The following HPR variants were observed in gnomAD, a reference collection of about 807,000 sequenced individuals.
The protein encoded by HPR is Haptoglobin-related locus.
A neutral mutation model predicts 18.5 loss-of-function variants in HPR; 17 were observed. The observed-to-expected ratio is 0.92, with a 90% CI of 0.63 to 1.38. The LOEUF (loss-of-function observed/expected upper bound fraction) is 1.38, where lower values mean the gene tolerates loss of function less well. HPR is among the 40% of genes most tolerant of loss of function. The pLI is 0.00. For missense variants in HPR, 457 were observed against 432.4 expected, an observed-to-expected ratio of 1.06 and a Z score of -0.51; for synonymous variants, 176 against 165.0, an observed-to-expected ratio of 1.07 and a Z score of -0.51.
Position 72,077,018 on chromosome 16 carries a change from T to C in HPR, c.984T>C (p.Tyr328=), listed in dbSNP as rs755475544. ...ATAAGAGCTGTGCTGTGGCTGAGTA[T>C]GGTGTGTATGTGAAGGTGACTTCCA... ...SFDKSCAVAE[Y]GVYVKVTSIQ... is the part of the protein sequence containing the mutation. Residue 328 remains tyrosine, a synonymous_variant, in exon 5 of 5, where the codon TAT becomes TAC. Transcript: ENST00000540303. The C allele has an allele frequency of 1.2e-6, 2 of 1,613,984 alleles. No individual in the cohort carries two copies. The highest frequency in any genetic ancestry group is 1.1e-5 in the South Asian group (1 of 91,068).
chr16:72,067,582 A>G (rs1258015490), intron 1 of HPR, among the ~76,000 whole-genome samples: 1 of 152,204 alleles, frequency 6.6e-6, no homozygotes, highest in Non-Finnish European at 1.5e-5. Flanking sequence ...TGTTTGGTCA[A>G]GGGAAGAAAA....
intron 1 of HPR, among the ~76,000 whole-genome samples, chr16:72,070,018 T>A (rs2144067170): frequency 6.6e-6 from 1 of 152,226 alleles, no homozygotes; most frequent in East Asian, 1.9e-4. Context: ...TTAGCCCAGG[T>A]ACTAGACATA....
rs573654289 is a variant in HPR at position 72,067,000 on chromosome 16, C to T, written c.5+3740C>T. On this transcript the variant is annotated intron_variant, in intron 1 of 4. Transcript: ENST00000540303. Reference sequence around the variant, plus strand: ...AGGACCCAAGTCTACATTTCCCAGGCCCCCTAAAGAGCATAGAAAAGCAAG... The same window carrying T: ...AGGACCCAAGTCTACATTTCCCAGGTCCCCTAAAGAGCATAGAAAAGCAAG... Among the ~76,000 whole-genome samples the T allele has an allele frequency of 5.3e-5, 8 of 152,210 alleles. 1 individual carries two copies. The East Asian group carries it at 1.4e-3, about 26-fold the overall frequency.
intron 1 of HPR, among the ~76,000 whole-genome samples, chr16:72,066,605 C>G (rs1462708602): frequency 3.3e-5 from 5 of 152,112 alleles, no homozygotes; most frequent in African/African-American, 1.2e-4. Flanking sequence ...GATGAGGGAC[C>G]TATAAGATTC....
At chr16:72,068,327 C>G (rs559048628) in intron 1 of HPR, among the ~76,000 whole-genome samples, 2 of 152,026 alleles carry the variant, frequency 1.3e-5, no homozygotes, top group East Asian at 1.9e-4. Flanking sequence ...CTGAATGGGT[C>G]GAAGGAATCG....
At chr16:72,065,841 AC>A (rs2041592234) in intron 1 of HPR, among the ~76,000 whole-genome samples, 1 of 152,092 alleles carries the variant, frequency 6.6e-6, no homozygotes, top group South Asian at 2.1e-4. Flanking sequence ...CGACTCCCAC[AC>A]CTAAAGTCAG....
chr16:72,065,313 G>A (rs1165348369), intron 1 of HPR, among the ~76,000 whole-genome samples: 5 of 152,012 alleles, frequency 3.3e-5, no homozygotes, highest in Admixed American at 2.6e-4. Flanking sequence ...CTAATACGAG[G>A]GATTGAGCCA....
intron 1 of HPR, among the ~76,000 whole-genome samples, chr16:72,070,686 C>T (rs146760422): frequency 2.1e-4 from 32 of 152,316 alleles, no homozygotes; most frequent in Middle Eastern, 3.4e-3. Flanking sequence ...GCTAACCATC[C>T]TTTAATCCTT....
chr16:72,073,895 C>G lies in HPR; in HGVS notation c.9C>G (p.Asp3Glu), dbSNP rs1187738042. 3 of 1,613,820 alleles carry G rather than the reference C, an allele frequency of 1.9e-6. No individual in the cohort carries two copies. The highest frequency in any genetic ancestry group is 1.7e-5 in the Admixed American group (1 of 59,972). The stretch of plus-strand genomic sequence containing the variant: ...CCTTCTTGTTTTCTCTCTGCAGTGA[C>G]CTGGGAGCTGTCATTTCCCTCCTGC... MS[D>E]LGAVISLLLW... Residue 3 changes from aspartate to glutamate, a missense_variant, in exon 2 of 5, where the codon GAC becomes GAG. Physicochemically the swap from Asp to Glu is conservative, Grantham distance 45 (BLOSUM62 2). Coordinates refer to ENST00000540303, the MANE Select transcript of HPR (RefSeq NM_020995.4).
chr16:72,068,640 C>G (rs1368069699), intron 1 of HPR, among the ~76,000 whole-genome samples: 1 of 152,164 alleles, frequency 6.6e-6, no homozygotes, highest in Admixed American at 6.5e-5. Flanking sequence ...AGCACAGAGG[C>G]TGCTGGCAGC....
chr16:72,064,007 T>C (rs1269416286), intron 1 of HPR, among the ~76,000 whole-genome samples: 2 of 152,156 alleles, frequency 1.3e-5, no homozygotes, highest in African/African-American at 2.4e-5. Context: ...CCCAAAGTGT[T>C]GGGATTACAG....
At chr16:72,071,382 C>A (rs1345809769) in intron 1 of HPR, among the ~76,000 whole-genome samples, 1 of 152,152 alleles carries the variant, frequency 6.6e-6, no homozygotes, top group Non-Finnish European at 1.5e-5. Context: ...CCAGATTGTC[C>A]CCTTTCCACT....
At chr16:72,073,543 A>G (rs1052998305) in intron 1 of HPR, among the ~76,000 whole-genome samples, 7 of 152,084 alleles carry the variant, frequency 4.6e-5, no homozygotes, top group Admixed American at 4.6e-4. Context: ...ATTATTGCCA[A>G]TGTACCTTCC....
intron 1 of HPR, 131 bp from the exon 2 acceptor site, chr16:72,073,761 G>A (rs117689220): frequency 0.018 from 28,792 of 1,583,710 alleles, 327 homozygotes; most frequent in Non-Finnish European, 0.022. Flanking sequence ...TGCTTAGTGG[G>A]AGGAGTGTGT....
chr16:72,076,707 G>T lies in HPR; in HGVS notation c.673G>T (p.Gly225Cys). 1.2e-6 allele frequency: 2 copies of T among 1,614,190 alleles called. No individual in the cohort carries two copies. The highest frequency in any genetic ancestry group is 1.7e-6 in the Non-Finnish European group (2 of 1,180,034). ...AGTAGGGCGTGTGGGTTACGTGTCT[G>T]GCTGGGGACAAAGTGACAACTTTAA... Reference protein sequence around the residue: ...AEVGRVGYVSGWGQSDNFKLT... With the variant: ...AEVGRVGYVSCWGQSDNFKLT... Residue 225 changes from glycine (G) to cysteine (C), a missense_variant, in exon 5 of 5, where the codon GGC becomes TGC. By Grantham distance (159) the Gly-to-Cys change is radical. Coordinates refer to ENST00000540303, the MANE Select transcript of HPR (RefSeq NM_020995.4).
In HPR at chr16:72,076,799, T is replaced by G; in HGVS notation, c.765T>G (p.Tyr255Ter). 1 of 1,614,258 alleles carries G rather than the reference T, an allele frequency of 6.2e-7. No individual in the cohort carries two copies. Residue 255 changes from tyrosine (Y) to a stop codon, truncating the protein, a stop_gained, in exon 5 of 5, where the codon TAT becomes TAG. Transcript: ENST00000540303. LOFTEE classifies it high-confidence loss of function. ...ACCAATACGATTGCATAACGCATTA[T>G]GAAGGCAGCACATGCCCCAAATGGA... ...VADQYDCITH[Y>*]EGSTCPKWKA...
At position 72,077,035 on chromosome 16, in the gene HPR, T is replaced by A. The variant is rs1248410699; in HGVS notation, c.1001T>A (p.Val334Glu). The change falls in exon 5 of 5, where the codon GTG (valine) becomes GAG (glutamate). Residue 334 changes from valine (V) to glutamate (E), a missense_variant. By Grantham distance (121) the Val-to-Glu change is moderately radical. Transcript: ENST00000540303. ...AVAEYGVYVK[V>E]TSIQHWVQKT... is the part of the protein sequence containing the mutation. ...GCTGAGTATGGTGTGTATGTGAAGG[T>A]GACTTCCATCCAGCACTGGGTTCAG... The A allele has an allele frequency of 1.9e-6, 3 of 1,613,974 alleles. No homozygotes were observed. The highest frequency in any genetic ancestry group is 2.2e-5 in the South Asian group (2 of 91,060).
intron 1 of HPR, among the ~76,000 whole-genome samples, chr16:72,065,051 G>A (rs2041583426): frequency 1.3e-5 from 2 of 152,272 alleles, no homozygotes; most frequent in South Asian, 4.1e-4. Flanking sequence ...ATATTCTGGT[G>A]GCTGAAAGTT....
chr16:72,065,875 C>T (rs1294137477), intron 1 of HPR, among the ~76,000 whole-genome samples: 1 of 152,116 alleles, frequency 6.6e-6, no homozygotes, highest in African/African-American at 2.4e-5. Context: ...CCTAGACTGT[C>T]TTCCTTTGCT....
Sources: allele counts gnomAD v4.1 joint callset (sites outside exome capture counted in the v4.1 genomes callset), GRCh38; gene constraint gnomAD v4.1.1; transcripts MANE v1.5; gene names NCBI Gene and HGNC (gene_info 2026-07-23, HGNC 2026-07-21).